LIN7A: variants seen among roughly 807,000 people sequenced by gnomAD.
The protein encoded by LIN7A is protein lin-7 homolog A.
In LIN7A, 25 loss-of-function variants were observed where a neutral mutation model predicts 29.8. The ratio of observed to expected loss-of-function variants is 0.84; its 90% CI spans 0.61 to 1.17. The LOEUF is 1.17. Among genes scored for constraint, LIN7A ranks in the 50% most tolerant of loss-of-function variants. The pLI is 0.00. For missense variants in LIN7A, 239 were observed against 287.0 expected, an observed-to-expected ratio of 0.83 and a Z score of 1.21; for synonymous variants, 118 against 107.5, an observed-to-expected ratio of 1.10 and a Z score of -0.60.
At chr12:80,893,089 C>G (rs1040921757) in intron 1 of LIN7A, among the ~76,000 whole-genome samples, 1 of 152,028 alleles carries the variant, frequency 6.6e-6, no homozygotes, top group East Asian at 1.9e-4. Flanking sequence ...GTTTACAGAC[C>G]CCAGAGAGAG....
intron 4 of LIN7A, among the ~76,000 whole-genome samples, chr12:80,823,843 A>G (rs1871932192): frequency 6.6e-6 from 1 of 152,236 alleles, no homozygotes; most frequent in African/African-American, 2.4e-5. Context: ...TAGTGACACA[A>G]CCTATCAAAA....
At chr12:80,883,610 A>C (rs1875180705) in intron 2 of LIN7A, among the ~76,000 whole-genome samples, 1 of 152,220 alleles carries the variant, frequency 6.6e-6, no homozygotes, top group Non-Finnish European at 1.5e-5. Context: ...CCTACTCTTT[A>C]ATAATGATAA....
chr12:80,931,568 G>A (rs1196672256), intron 1 of LIN7A, among the ~76,000 whole-genome samples: 1 of 150,346 alleles, frequency 6.7e-6, no homozygotes, highest in South Asian at 2.1e-4. Flanking sequence ...AACCCAAAAG[G>A]CTGAGGTTGC....
chr12:80,887,616 G>C (rs1362222443), intron 2 of LIN7A, among the ~76,000 whole-genome samples: 1 of 152,002 alleles, frequency 6.6e-6, no homozygotes, highest in Admixed American at 6.6e-5. Context: ...AGCTTTTATT[G>C]CTGATCATAT....
At chr12:80,806,179 G>C (rs1192470384) in intron 5 of LIN7A, among the ~76,000 whole-genome samples, 2 of 151,956 alleles carry the variant, frequency 1.3e-5, no homozygotes, top group Non-Finnish European at 2.9e-5. Context: ...TTTGTTCCCG[G>C]TTTTGGGTAC....
chr12:80,893,891 C>T (rs939569556), intron 1 of LIN7A, among the ~76,000 whole-genome samples: 1 of 152,126 alleles, frequency 6.6e-6, no homozygotes, highest in Non-Finnish European at 1.5e-5. Context: ...GTCAGGGATA[C>T]ACAGCAGGTG....
At chr12:80,885,280 A>C (rs919790369) in intron 2 of LIN7A, among the ~76,000 whole-genome samples, 2 of 152,160 alleles carry the variant, frequency 1.3e-5, no homozygotes, top group Middle Eastern at 3.2e-3. Flanking sequence ...AATCTAGCTA[A>C]TTAATACAGC....
At chr12:80,820,138 C>T (rs1247381051) in intron 4 of LIN7A, among the ~76,000 whole-genome samples, 1 of 152,126 alleles carries the variant, frequency 6.6e-6, no homozygotes, top group Non-Finnish European at 1.5e-5. Context: ...CTCTCAGTCC[C>T]TCAACAATGT....
chr12:80,882,287 C>CTTTTTTTTTT lies in LIN7A; in HGVS notation c.201+6954_201+6963dup, dbSNP rs56000415. On this transcript the variant is annotated intron_variant, in intron 2 of 5. Transcript: ENST00000552864. Reference sequence around the variant, plus strand: ...ACAGTACTATCATTTTTCTTTCATTCTTTTTTTTTTTTTTTGAGACGGAGT... The same window carrying CTTTTTTTTTT: ...ACAGTACTATCATTTTTCTTTCATTCTTTTTTTTTTTTTTTTTTTTTTTTTGAGACGGAGT... Among the ~76,000 whole-genome samples the CTTTTTTTTTT allele has an allele frequency of 1.1e-3, 98 of 87,688 alleles. 20 individuals carry two copies. Among genetic ancestry groups the CTTTTTTTTTT allele is most frequent in the East Asian group, 9.1e-3 (27 of 2,962 alleles). 57.5% of individuals were successfully genotyped at this position (87,688 alleles called of 152,430 possible). A position where few individuals can be genotyped will look rare whatever the true frequency, so the allele number is the denominator to read the frequency against.
intron 5 of LIN7A, among the ~76,000 whole-genome samples, chr12:80,808,739 T>G (rs1181642303): frequency 1.3e-5 from 2 of 152,102 alleles, no homozygotes; most frequent in East Asian, 3.9e-4. Context: ...TCTCCCGATC[T>G]CGTGATCCAC....
At chr12:80,921,842 G>T (rs1425011856) in intron 1 of LIN7A, among the ~76,000 whole-genome samples, 2 of 152,194 alleles carry the variant, frequency 1.3e-5, no homozygotes, top group Non-Finnish European at 2.9e-5. Flanking sequence ...ATTAATGTCT[G>T]CCTGGTCACA....
intron 4 of LIN7A, among the ~76,000 whole-genome samples, chr12:80,818,621 T>C (rs577329620): frequency 2.7e-4 from 41 of 152,332 alleles, no homozygotes; most frequent in Admixed American, 1.5e-3. Flanking sequence ...CCAGTCATTC[T>C]TAAACCTTGA....
At chr12:80,889,527 G>T (rs1429426696) in intron 1 of LIN7A, among the ~76,000 whole-genome samples, 158 bp from the exon 2 acceptor site, 1 of 152,012 alleles carries the variant, frequency 6.6e-6, no homozygotes, top group African/African-American at 2.4e-5. Flanking sequence ...TCATCTTTTG[G>T]TAAAAAGTCA....
chr12:80,850,305 TA>T (rs1396707210), intron 2 of LIN7A, among the ~76,000 whole-genome samples: 1 of 152,192 alleles, frequency 6.6e-6, no homozygotes, highest in African/African-American at 2.4e-5. Flanking sequence ...CTTAAAATAG[TA>T]AGTAACTTCT....
chr12:80,807,070 T>TTTGTTTTTTTTTTTTG lies in LIN7A; in HGVS notation c.*4394_*4395insCAAAAAAAAAAAACAA, dbSNP rs1202163454. ...AAATTTAATGAAGATGGAGTTTTTT[T>TTTGTTTTTTTTTTTTG]TTTTTTTTTTTTTTTTTTTTTGACG... On this transcript the variant is annotated intron_variant, in intron 5 of 5. Coordinates refer to ENST00000552864, the MANE Select transcript of LIN7A (RefSeq NM_004664.4). Among the ~76,000 whole-genome samples, 3 of 111,096 alleles carry TTTGTTTTTTTTTTTTG rather than the reference T, an allele frequency of 2.7e-5. 1 individual carries two copies. The highest frequency in any genetic ancestry group is 1.3e-4 in the African/African-American group (3 of 23,528). The allele number at this position is 111,096 out of a possible 152,430, so 72.9% of individuals were successfully genotyped here.
intron 2 of LIN7A, among the ~76,000 whole-genome samples, chr12:80,886,983 T>C (rs1281659028): frequency 6.6e-6 from 1 of 152,078 alleles, no homozygotes; most frequent in Non-Finnish European, 1.5e-5. Context: ...CTGTTAGACA[T>C]CTCTGCTTGG....
Position 80,934,499 on chromosome 12 carries a change from G to A in LIN7A, c.82+3142C>T, listed in dbSNP as rs562915477. ...AGACCTTGAAAAAGCTTACTTCCCA[G>A]AGCAGACCCAGGAAGCTAGGTGCAG... On this transcript the variant is annotated intron_variant, in intron 1 of 5. Transcript: ENST00000552864. Among the ~76,000 whole-genome samples the A allele has an allele frequency of 3.9e-5, 6 of 152,270 alleles. No individual in the cohort carries two copies. The South Asian group carries it at 6.2e-4, about 16-fold the overall frequency.
At chr12:80,864,194 A>G (rs1457216690) in intron 2 of LIN7A, among the ~76,000 whole-genome samples, 3 of 152,158 alleles carry the variant, frequency 2.0e-5, no homozygotes, top group Admixed American at 6.5e-5. Context: ...TGACCCAGAC[A>G]TAAGGCTTAA....
chr12:80,880,942 T>G (rs1052795088), intron 2 of LIN7A, among the ~76,000 whole-genome samples: 2 of 152,184 alleles, frequency 1.3e-5, no homozygotes, highest in Non-Finnish European at 2.9e-5. Context: ...ATACCAGAGT[T>G]CAAGAGTAGG....
Sources: gnomAD v4.1 joint callset for allele counts (sites outside exome capture counted in the v4.1 genomes callset) on GRCh38, gnomAD v4.1.1 for gene constraint, MANE v1.5 for transcripts, NCBI Gene and HGNC (gene_info 2026-07-23, HGNC 2026-07-21) for gene names.